Variants in CD200R1 observed in about 807,000 individuals in gnomAD.
CD200R1 encodes CD200 receptor 1, also known as cell surface glycoprotein CD200 receptor 1.
CD200R1 carries 30 observed loss-of-function variants against 38.1 expected under a neutral mutation model. That is an observed-to-expected ratio of 0.79 (90% CI 0.59 to 1.07). The LOEUF (loss-of-function observed/expected upper bound fraction) is 1.07. CD200R1 is among the 50% of genes least tolerant of loss of function. The pLI is 0.00. For missense variants in CD200R1, 372 were observed against 415.4 expected (o/e 0.90, Z 0.91); for synonymous variants, 128 against 152.1 (o/e 0.84, Z 1.16).
At chr3:112,933,452 C>A (rs1248412603) in intron 2 of CD200R1, among the ~76,000 whole-genome samples, 1 of 152,172 alleles carries the variant, frequency 6.6e-6, no homozygotes, top group Non-Finnish European at 1.5e-5. Flanking sequence ...GGGACACTTG[C>A]AAACATCACT....
chr3:112,944,194 A>C (rs1447772636), intron 2 of CD200R1, among the ~76,000 whole-genome samples: 1 of 151,956 alleles, frequency 6.6e-6, no homozygotes, highest in Non-Finnish European at 1.5e-5. Context: ...TACAAAAAAG[A>C]AAACCACAGA....
chr3:112,965,947 G>A (rs564760225), intron 1 of CD200R1, among the ~76,000 whole-genome samples: 10 of 146,534 alleles, frequency 6.8e-5, no homozygotes, highest in East Asian at 2.0e-4. Flanking sequence ...TCTGAGAGGC[G>A]AACAAAAAGG....
At position 112,963,844 on chromosome 3, in the gene CD200R1, C is replaced by G. The variant is rs528957462; in HGVS notation, c.67+10947G>C. On this transcript the variant is annotated intron_variant, in intron 1 of 7. Coordinates refer to ENST00000308611, the MANE Select transcript of CD200R1 (RefSeq NM_138806.4). ...GGCATGTCAGAGGCCTTCACAGCAG[C>G]CCCTCCCATCACAGGCCTGGAGGGT... 1.2e-4 allele frequency among the ~76,000 whole-genome samples: 19 copies of G among 152,300 alleles called. 1 individual carries two copies. In the East Asian group the frequency reaches 3.1e-3, roughly 25 times the overall value.
chr3:112,929,018 T>A lies in CD200R1; in HGVS notation c.567A>T (p.Val189=), dbSNP rs143930780. The change falls in exon 5 of 8, where the codon GTA becomes GTT. Residue 189 remains valine, a synonymous_variant. Transcript: ENST00000308611. ...CTGGCTTCCCTGCAACTGCCTTGCA[T>A]ACTGCAGTTCTATTCCTGTTTTGAA... ...TLFQNRNRTA[V]CKAVAGKPAA... The A allele has an allele frequency of 6.1e-5, 99 of 1,613,974 alleles. No individual in the cohort carries two copies. The African/African-American group carries it at 1.1e-3, about 18-fold the overall frequency.
At chr3:112,930,306 A>G (rs996384751) in intron 3 of CD200R1, among the ~76,000 whole-genome samples, 3 of 152,178 alleles carry the variant, frequency 2.0e-5, no homozygotes, top group African/African-American at 7.2e-5. Flanking sequence ...CAAATTTATG[A>G]CATTATCAAA....
intron 1 of CD200R1, among the ~76,000 whole-genome samples, chr3:112,953,197 C>A (rs958788943): frequency 1.3e-5 from 2 of 152,064 alleles, no homozygotes; most frequent in African/African-American, 2.4e-5. Context: ...GGCTTTTTTG[C>A]ATCTATGGAA....
intron 6 of CD200R1, 38 bp from the exon 7 acceptor site, chr3:112,924,573 C>A: frequency 9.1e-7 from 1 of 1,103,222 alleles, no homozygotes; most frequent in Non-Finnish European, 1.2e-6. Flanking sequence ...ATGGAGGAAA[C>A]ATCATTGTTT....
At chr3:112,933,148 C>T (rs1215756940) in intron 2 of CD200R1, among the ~76,000 whole-genome samples, 1 of 152,162 alleles carries the variant, frequency 6.6e-6, no homozygotes, top group Non-Finnish European at 1.5e-5. Flanking sequence ...GGTGGGCCCA[C>T]TCTCAGCAGA....
chr3:112,927,801 G>A (rs767394196), intron 5 of CD200R1, among the ~76,000 whole-genome samples: 1 of 152,068 alleles, frequency 6.6e-6, no homozygotes, highest in African/African-American at 2.4e-5. Context: ...ATTACTAAGG[G>A]GTTCTCTAGT....
At chr3:112,931,070 C>T (rs370302222) in intron 3 of CD200R1, 36 bp downstream of exon 3, 35 of 1,450,078 alleles carry the variant, frequency 2.4e-5, no homozygotes, top group Non-Finnish European at 3.2e-5. Flanking sequence ...AACTTTCCAT[C>T]CCTAGGTGCT....
Position 112,922,861 on chromosome 3 carries a change from T to C in CD200R1, c.*816A>G, listed in dbSNP as rs1940202542. 1 of 151,882 alleles carries C rather than the reference T, an allele frequency of 6.6e-6. No individual in the cohort carries two copies. Among genetic ancestry groups the C allele is most frequent in the South Asian group, 2.1e-4 (1 of 4,832 alleles). 9.4% of individuals were successfully genotyped at this position (151,882 alleles called of 1,614,324 possible). On this transcript the variant is annotated 3_prime_UTR_variant, in exon 8 of 8. Transcript: ENST00000308611. ...ACAATGTTGGAGGGAATTTGACATATATATTTGACACAATTTAACATATAT... is the reference window on the plus strand; with the variant it reads ...ACAATGTTGGAGGGAATTTGACATACATATTTGACACAATTTAACATATAT...
At chr3:112,946,584 C>G (rs1195165157) in intron 2 of CD200R1, among the ~76,000 whole-genome samples, 1 of 152,128 alleles carries the variant, frequency 6.6e-6, no homozygotes, top group Non-Finnish European at 1.5e-5. Flanking sequence ...TGAAAAGATG[C>G]TCTACATCAT....
chr3:112,964,877 A>G (rs1201408067), intron 1 of CD200R1, among the ~76,000 whole-genome samples: 1 of 152,184 alleles, frequency 6.6e-6, no homozygotes, highest in Admixed American at 6.5e-5. Context: ...TATTTGAACC[A>G]TGGGGGCAGG....
intron 1 of CD200R1, among the ~76,000 whole-genome samples, chr3:112,960,239 A>G (rs746446220): frequency 8.6e-5 from 13 of 152,036 alleles, no homozygotes; most frequent in Non-Finnish European, 1.8e-4. Context: ...TTTACTATGA[A>G]TTTCCTGGAA....
chr3:112,943,026 A>C (rs1168805838), intron 2 of CD200R1, among the ~76,000 whole-genome samples: 7 of 151,784 alleles, frequency 4.6e-5, no homozygotes, highest in African/African-American at 1.7e-4. Context: ...AATCTGCTAT[A>C]ATAGTTGGAG....
At chr3:112,930,852 T>G (rs578218865) in intron 3 of CD200R1, among the ~76,000 whole-genome samples, 6 of 152,182 alleles carry the variant, frequency 3.9e-5, no homozygotes, top group Admixed American at 2.6e-4. Context: ...TTAACATAGA[T>G]CTGAGAGGTA....
chr3:112,955,401 T>C (rs1941072197), intron 1 of CD200R1, among the ~76,000 whole-genome samples: 1 of 152,216 alleles, frequency 6.6e-6, no homozygotes, highest in South Asian at 2.1e-4. Context: ...TTGATTTTTA[T>C]ATTTAGGTGC....
At chr3:112,970,085 G>T (rs1464888325) in intron 1 of CD200R1, among the ~76,000 whole-genome samples, 1 of 152,100 alleles carries the variant, frequency 6.6e-6, no homozygotes, top group Non-Finnish European at 1.5e-5. Context: ...GTCTGAAACA[G>T]GAGGATAACC....
chr3:112,974,208 G>A (rs576011427), intron 1 of CD200R1, among the ~76,000 whole-genome samples: 2 of 152,260 alleles, frequency 1.3e-5, no homozygotes, highest in African/African-American at 2.4e-5. Context: ...GTCTGAGGTG[G>A]GAGAATTGCT....
Sources: gnomAD v4.1 joint callset for allele counts (sites outside exome capture counted in the v4.1 genomes callset) on GRCh38, gnomAD v4.1.1 for gene constraint, MANE v1.5 for transcripts, NCBI Gene and HGNC (gene_info 2026-07-23, HGNC 2026-07-21) for gene names.